The following SEC24B variants were observed in gnomAD, a reference collection of about 807,000 sequenced individuals.
SEC24B encodes protein transport protein Sec24B.
Under a neutral mutation model 142.8 loss-of-function variants are expected in SEC24B, and 45 were observed. That is an observed-to-expected ratio of 0.32 (90% confidence interval 0.25 to 0.40). The LOEUF (loss-of-function observed/expected upper bound fraction) is 0.40. Among genes scored for constraint, SEC24B ranks in the 10% least tolerant of loss-of-function variants. The probability of loss-of-function intolerance (pLI) is 1.00; values close to 1 mark genes in which losing one functional copy is unlikely to be tolerated. For synonymous variants in SEC24B, 574 were observed against 568.2 expected (o/e 1.01, Z -0.15); for missense variants, 1,409 against 1,526.8 (o/e 0.92, Z 1.29).
intron 1 of SEC24B, among the ~76,000 whole-genome samples, chr4:109,441,798 A>G (rs1728953566): frequency 6.6e-6 from 1 of 152,198 alleles, no homozygotes; most frequent in African/African-American, 2.4e-5. Context: ...AATAATCTAT[A>G]CTTAATGCAG....
rs199504342 is a variant in SEC24B at position 109,494,868 on chromosome 4, G to A, written c.1488+12G>A. The A allele has an allele frequency of 3.0e-5, 48 of 1,613,748 alleles. No individual in the cohort carries two copies. In the East Asian group the frequency reaches 9.8e-4, roughly 33 times the overall value. On this transcript the variant is annotated intron_variant, in intron 6 of 23. Transcript: ENST00000265175. Reference sequence around the variant, plus strand: ...AGCAGTATCCTCAAGTATGTATTCAGTCATATACACACATTGTAACAGTTA... The same window carrying A: ...AGCAGTATCCTCAAGTATGTATTCAATCATATACACACATTGTAACAGTTA...
intron 7 of SEC24B, among the ~76,000 whole-genome samples, chr4:109,509,505 G>A (rs930953605): frequency 4.6e-5 from 7 of 151,762 alleles, no homozygotes; most frequent in African/African-American, 1.2e-4. Flanking sequence ...GTGAAACCCC[G>A]TCTCTACTAA....
At chr4:109,451,671 A>G (rs961855085) in intron 1 of SEC24B, among the ~76,000 whole-genome samples, 5 of 152,240 alleles carry the variant, frequency 3.3e-5, no homozygotes, top group Non-Finnish European at 7.4e-5. Context: ...GGTTTCTTTT[A>G]TTGGAGGATG....
intron 3 of SEC24B, among the ~76,000 whole-genome samples, chr4:109,477,032 GA>G (rs1553999982): frequency 6.7e-6 from 1 of 150,324 alleles, no homozygotes; most frequent in Non-Finnish European, 1.5e-5. Context: ...AGCTACTTGG[GA>G]GGCTGAGGCA....
chr4:109,452,280 A>G (rs757803301), intron 1 of SEC24B, among the ~76,000 whole-genome samples: 1 of 152,186 alleles, frequency 6.6e-6, no homozygotes, highest in Non-Finnish European at 1.5e-5. Context: ...GCTAAGTAGT[A>G]TTCTGTTGTA....
At chr4:109,477,743 C>T (rs1438216248) in intron 3 of SEC24B, among the ~76,000 whole-genome samples, 3 of 152,076 alleles carry the variant, frequency 2.0e-5, no homozygotes, top group Admixed American at 6.5e-5. Context: ...CTTATCAAAG[C>T]ATATACTACT....
At chr4:109,503,481 T>C (rs893805120) in intron 6 of SEC24B, among the ~76,000 whole-genome samples, 10 of 151,846 alleles carry the variant, frequency 6.6e-5, no homozygotes, top group Non-Finnish European at 1.3e-4. Context: ...ACCTCGGCCT[T>C]CCAAAGTGCT....
At chr4:109,491,675 T>G (rs1237928945) in intron 5 of SEC24B, among the ~76,000 whole-genome samples, 2 of 152,204 alleles carry the variant, frequency 1.3e-5, no homozygotes, top group East Asian at 3.9e-4. Context: ...TTTCCCCTTC[T>G]TTTTAAAGAA....
At chr4:109,438,043 A>G (rs1475619501) in intron 1 of SEC24B, among the ~76,000 whole-genome samples, 1 of 152,230 alleles carries the variant, frequency 6.6e-6, no homozygotes, top group African/African-American at 2.4e-5. Flanking sequence ...GTTGTTTTTA[A>G]GCACAGTTTG....
At chr4:109,468,786 T>G (rs1426562222) in intron 2 of SEC24B, among the ~76,000 whole-genome samples, 1 of 152,222 alleles carries the variant, frequency 6.6e-6, no homozygotes, top group African/African-American at 2.4e-5. Flanking sequence ...CAAGATGACT[T>G]AAAATTTCTA....
At chr4:109,497,146 A>G (rs1046997615) in intron 6 of SEC24B, among the ~76,000 whole-genome samples, 2 of 152,242 alleles carry the variant, frequency 1.3e-5, no homozygotes, top group Admixed American at 6.5e-5. Flanking sequence ...TTTGCACTAC[A>G]GTAGTACAGT....
intron 1 of SEC24B, among the ~76,000 whole-genome samples, chr4:109,434,438 G>C (rs1728194488): frequency 6.6e-6 from 1 of 152,208 alleles, no homozygotes; most frequent in Non-Finnish European, 1.5e-5. Flanking sequence ...TGAGTGCGTG[G>C]TCCGGAGAAG....
chr4:109,498,919 A>G (rs930281138), intron 6 of SEC24B, among the ~76,000 whole-genome samples: 1 of 152,218 alleles, frequency 6.6e-6, no homozygotes, highest in African/African-American at 2.4e-5. Context: ...AAAACAGGGA[A>G]AAGGCTGATG....
intron 8 of SEC24B, among the ~76,000 whole-genome samples, 167 bp from the exon 9 acceptor site, chr4:109,511,790 G>A (rs1737364707): frequency 6.6e-6 from 1 of 152,146 alleles, no homozygotes; most frequent in African/African-American, 2.4e-5. Context: ...AAACTTGATG[G>A]CTACATGTGT....
At chr4:109,474,528 G>A (rs769900013) in intron 3 of SEC24B, among the ~76,000 whole-genome samples, 13 of 151,438 alleles carry the variant, frequency 8.6e-5, no homozygotes, top group South Asian at 2.1e-4. Flanking sequence ...GGGTTCCAGC[G>A]ATTCTCCTGT....
chr4:109,511,539 C>T (rs1222596237), intron 8 of SEC24B, among the ~76,000 whole-genome samples: 1 of 152,054 alleles, frequency 6.6e-6, no homozygotes, highest in Non-Finnish European at 1.5e-5. Flanking sequence ...TTTAAAGGCA[C>T]GTTGTGTTTG....
intron 14 of SEC24B, among the ~76,000 whole-genome samples, chr4:109,523,114 G>T (rs75083625): frequency 0.015 from 2,329 of 152,112 alleles, 42 homozygotes; most frequent in African/African-American, 0.04. Flanking sequence ...GAGGCTAGAG[G>T]ATCATTTGAG....
At position 109,521,499 on chromosome 4, in the gene SEC24B, T is replaced by G; in HGVS notation, c.2381T>G (p.Leu794Arg). 1 of 1,614,212 alleles carries G rather than the reference T, an allele frequency of 6.2e-7. No individual in the cohort carries two copies. The highest frequency in any genetic ancestry group is 8.5e-7 in the Non-Finnish European group (1 of 1,180,018). Residue 794 changes from leucine (L) to arginine (R), a missense_variant, in exon 14 of 24, where the codon CTT becomes CGT. Around this residue, in one of 2 missense-constraint regions of SEC24B, gnomAD observed 700 missense variants for 853.3 expected, o/e 0.82. Coordinates refer to ENST00000265175, the MANE Select transcript of SEC24B (RefSeq NM_006323.5). Reference protein sequence around the residue: ...RETHSALGPALQAAFKLMSPT... With the variant: ...RETHSALGPARQAAFKLMSPT... ...ACACACAGTGCCCTTGGTCCTGCAC[T>G]TCAGGCTGCCTTTAAATTAATGTCT...
Position 109,526,227 on chromosome 4 carries a change from T to C in SEC24B, c.2793T>C (p.Gly931=). The C allele has an allele frequency of 6.2e-7, 1 of 1,612,970 alleles. No homozygotes were observed. The highest frequency in any genetic ancestry group is 8.5e-7 in the Non-Finnish European group (1 of 1,179,638). Reference sequence around the variant, plus strand: ...TTTTTATGATTTTCTCCTTTTTAGGTCTTTCAATGCACACTTTTCACGGTA... The same window carrying C: ...TTTTTATGATTTTCTCCTTTTTAGGCCTTTCAATGCACACTTTTCACGGTA... The part of the protein sequence containing the change: ...EAVMRIRCTK[G]LSMHTFHGNF... The change falls in exon 17 of 24, where the codon GGT becomes GGC. Residue 931 remains glycine (G), a splice_region_variant and synonymous_variant. Transcript: ENST00000265175.
Sources: allele counts gnomAD v4.1 joint callset (sites outside exome capture counted in the v4.1 genomes callset), GRCh38; gene constraint gnomAD v4.1.1; regional missense constraint gnomAD v4.1.1; transcripts MANE v1.5; gene names NCBI Gene and HGNC (gene_info 2026-07-23, HGNC 2026-07-21).